NECAB3: variants seen among roughly 807,000 people sequenced by gnomAD.
NECAB3 encodes the protein N-terminal EF-hand calcium-binding protein 3.
In NECAB3, 38 loss-of-function variants were observed where a neutral mutation model predicts 57.2. The observed-to-expected ratio is 0.66, with a 90% confidence interval of 0.51 to 0.87. The LOEUF is 0.87. Among genes scored for constraint, NECAB3 ranks in the 40% least tolerant of loss-of-function variants. The pLI, the probability that NECAB3 is intolerant of heterozygous loss-of-function variation, is 0.00. For missense variants in NECAB3, 474 were observed against 527.5 expected, an observed-to-expected ratio of 0.90 and a Z score of 0.99; for synonymous variants, 223 against 222.6, an observed-to-expected ratio of 1.00 and a Z score of -0.02.
At chr20:33,663,973 C>T (rs981252208) in intron 5 of NECAB3, 18 of 1,024,630 alleles carry the variant, frequency 1.8e-5, no homozygotes, top group African/African-American at 3.4e-5. Flanking sequence ...AAAGCTCAGC[C>T]TAGGAGCCGC....
intron 11 of NECAB3, 25 bp downstream of exon 11, chr20:33,657,917 C>T (rs1568889720): frequency 6.4e-7 from 1 of 1,551,476 alleles, no homozygotes; most frequent in East Asian, 2.4e-5. Context: ...TCCAGGGCCA[C>T]AGTGAGTGGG....
intron 5 of NECAB3, chr20:33,667,543 A>G (rs566403663): frequency 1.3e-6 from 2 of 1,546,044 alleles, no homozygotes; most frequent in Admixed American, 3.8e-5. Context: ...CGGCGCGTTC[A>G]GCGGGCTGGC....
chr20:33,663,858 G>A (rs1217038751), intron 5 of NECAB3: 1 of 1,391,792 alleles, frequency 7.2e-7, no homozygotes, highest in South Asian at 1.6e-5. Context: ...GCCCTCGCCC[G>A]CAGCTTTAAA....
chr20:33,671,398 G>T (rs1316544596), intron 2 of NECAB3, among the ~76,000 whole-genome samples: 13 of 152,152 alleles, frequency 8.5e-5, no homozygotes, highest in Non-Finnish European at 1.9e-4. Context: ...TGGGTGCGGG[G>T]AGCTGACCCG....
At position 33,660,506 on chromosome 20, in the gene NECAB3, G is replaced by A. The variant is rs577588113; in HGVS notation, c.388-111C>T. ...AGCGGTGGCAGTGCCAAGAGCAGGG[G>A]CACGCAAACCTGGCACAGGCAGGAG... On this transcript the variant is annotated intron_variant, in intron 5 of 11. Transcript: ENST00000246190. The surrounding 1 kb of genome is among the most constrained non-coding windows in gnomAD (Gnocchi z 4.1). 5.5e-5 allele frequency: 79 copies of A among 1,427,234 alleles called. No homozygotes were observed. In the African/African-American group the frequency reaches 9.7e-4, roughly 17 times the overall value. The allele number at this position is 1,427,234 out of a possible 1,614,324, so 88.4% of individuals were successfully genotyped here. A position where few individuals can be genotyped will look rare whatever the true frequency, so the allele number is the denominator to read the frequency against.
intron 1 of NECAB3, 38 bp from the exon 2 acceptor site, chr20:33,672,460 C>A: frequency 6.2e-7 from 1 of 1,613,724 alleles, no homozygotes. Context: ...CTGTGAGTGC[C>A]ACCTGGGAAG....
In NECAB3 at chr20:33,674,222, A is replaced by G; in HGVS notation, c.129+2T>C. On this transcript the variant is annotated splice_donor_variant, in intron 1 of 11. Coordinates refer to ENST00000246190, the MANE Select transcript of NECAB3 (RefSeq NM_031232.4). LOFTEE classifies it high-confidence loss of function. Reference sequence around the variant, plus strand: ...CCGCGAGCAGAGCCCGCGCCCACTCACGTCCTGGAAGAGCGTGTGTCCGGC... The same window carrying G: ...CCGCGAGCAGAGCCCGCGCCCACTCGCGTCCTGGAAGAGCGTGTGTCCGGC... 8.0e-7 allele frequency: 1 copy of G among 1,252,806 alleles called. No individual in the cohort carries two copies. The highest frequency in any genetic ancestry group is 1.0e-6 in the Non-Finnish European group (1 of 998,822). 77.6% of individuals were successfully genotyped at this position (1,252,806 alleles called of 1,614,324 possible).
rs2017410701 is a variant in NECAB3 at position 33,659,916 on chromosome 20, T to A, written c.612A>T (p.Ser204=). Residue 204 remains serine, a synonymous_variant, in exon 7 of 12, where the codon TCA becomes TCT. Transcript: ENST00000246190. ...GRRALRSVSR[S]STWSPGSSDT... ...CAGAAGAGCCGGGGGACCAGGTGGA[T>A]GACCGGCTGACACTCCTCAGGGCTC... 2 of 1,548,266 alleles carry A rather than the reference T, an allele frequency of 1.3e-6. No individual in the cohort carries two copies. The highest frequency in any genetic ancestry group is 4.8e-5 in the East Asian group (2 of 41,300).
rs2017745649 is a variant in NECAB3, at chr20:33,668,299, T to G, written c.387+1076A>C. On this transcript the variant is annotated intron_variant, in intron 5 of 11. Coordinates refer to ENST00000246190, the MANE Select transcript of NECAB3 (RefSeq NM_031232.4). ...ACAGCTCTCTATCTAAAGAGTCAAG[T>G]GTTTGGAGCTGGCAGGGTCCTCCTG... 8 of 1,522,176 alleles carry G rather than the reference T, an allele frequency of 5.3e-6. No homozygotes were observed. The Admixed American group carries it at 1.7e-4, about 32-fold the overall frequency. 94.3% of individuals were successfully genotyped at this position (1,522,176 alleles called of 1,614,324 possible).
At chr20:33,667,852 G>A in intron 5 of NECAB3, 2 of 1,607,710 alleles carry the variant, frequency 1.2e-6, no homozygotes, top group Non-Finnish European at 1.7e-6. Flanking sequence ...CCTCAGCAGT[G>A]AGCGCTTCCG....
rs770000414 is a variant in NECAB3 at position 33,663,488 on chromosome 20, G to A, written c.388-3093C>T. ...GGAGCGGCCCCGGGTCGTGGGCTCG[G>A]CCCTAGCGCGCTCTCCCGCCTCACG... On this transcript the variant is annotated intron_variant, in intron 5 of 11. Transcript: ENST00000246190. The A allele has an allele frequency of 1.5e-5, 24 of 1,574,488 alleles. No individual in the cohort carries two copies. The African/African-American group carries it at 3.0e-4, about 20-fold the overall frequency.
At chr20:33,658,121 G>T in intron 10 of NECAB3, 88 bp from the exon 11 acceptor site, 1 of 1,149,514 alleles carries the variant, frequency 8.7e-7, no homozygotes, top group Non-Finnish European at 1.2e-6. Flanking sequence ...TTCTCACACT[G>T]CCTCTGGAGC....
chr20:33,667,158 G>A (rs1047408427), intron 5 of NECAB3: 4 of 228,320 alleles, frequency 1.8e-5, no homozygotes, highest in East Asian at 1.7e-4. Flanking sequence ...TGGTGGACCA[G>A]GGCTCGGGCT....
Position 33,659,553 on chromosome 20 carries a change from G to C in NECAB3, c.823C>G (p.Gln275Glu). 1 of 1,564,794 alleles carries C rather than the reference G, an allele frequency of 6.4e-7. No individual in the cohort carries two copies. The highest frequency in any genetic ancestry group is 8.7e-7 in the Non-Finnish European group (1 of 1,151,554). ...CGCAGGGGTTCCAGCCGGGGGGCCT[G>C]TGAGGGCACAGAGTGTGGGCCGGGC... Reference protein sequence around the residue: ...WRPGPHSVPSQAPRLEPLREE... With the variant: ...WRPGPHSVPSEAPRLEPLREE... Residue 275 changes from glutamine (Q) to glutamate (E), a missense_variant, in exon 8 of 12, where the codon CAG (glutamine) becomes GAG (glutamate). Physicochemically the swap from Gln to Glu is conservative, Grantham distance 29. Coordinates refer to ENST00000246190, the MANE Select transcript of NECAB3 (RefSeq NM_031232.4).
chr20:33,660,431 C>A lies in NECAB3; in HGVS notation c.388-36G>T. 1 of 1,604,976 alleles carries A rather than the reference C, an allele frequency of 6.2e-7. No individual in the cohort carries two copies. Among genetic ancestry groups the A allele is most frequent in the Non-Finnish European group, 8.5e-7 (1 of 1,173,966 alleles). On this transcript the variant is annotated intron_variant, in intron 5 of 11. Coordinates refer to ENST00000246190, the MANE Select transcript of NECAB3 (RefSeq NM_031232.4). The surrounding 1 kb of genome is among the most constrained non-coding windows in gnomAD (Gnocchi z 4.1). Reference sequence around the variant, plus strand: ...AGGAGGGACGGTCAGCATCTCCCAGCCCGGGCACTGATCTCTTGAGTGGGT... The same window carrying A: ...AGGAGGGACGGTCAGCATCTCCCAGACCGGGCACTGATCTCTTGAGTGGGT...
At position 33,668,076 on chromosome 20, in the gene NECAB3, G is replaced by T. The variant is rs41290882; in HGVS notation, c.387+1299C>A. The T allele has an allele frequency of 1.0e-3, 1,651 of 1,583,946 alleles. 12 individuals are homozygous for T. In the African/African-American group the frequency reaches 0.018, roughly 17 times the overall value. On this transcript the variant is annotated intron_variant, in intron 5 of 11. Transcript: ENST00000246190. ...CGCAGTGCCGGCGGCACGGCTACGC[G>T]GCCCTGCGGCCCCACCTGGTGGCCA...
intron 3 of NECAB3, 68 bp from the exon 4 acceptor site, chr20:33,669,780 C>G (rs1248690161): frequency 1.3e-6 from 2 of 1,482,754 alleles, no homozygotes; most frequent in Admixed American, 5.0e-5. Flanking sequence ...GGGCCAATGC[C>G]CCACATCCCA....
chr20:33,672,265 T>A (rs183123972), intron 2 of NECAB3, 133 bp downstream of exon 2: 10 of 1,052,256 alleles, frequency 9.5e-6, no homozygotes, highest in Non-Finnish European at 1.5e-5. Context: ...AGTGCCTTGA[T>A]TGATTCTCCT....
chr20:33,674,416 G>A lies in NECAB3; in HGVS notation c.-64C>T, dbSNP rs2017907629. ...CGACCCTGGACGCCGCGGCGGACTC[G>A]GTGTGGCTAGAGGCCGCCCCTTGGC... is the stretch of plus-strand genomic sequence containing the variant. On this transcript the variant is annotated 5_prime_UTR_variant, in exon 1 of 12. Coordinates refer to ENST00000246190, the MANE Select transcript of NECAB3 (RefSeq NM_031232.4). 1.4e-5 allele frequency: 15 copies of A among 1,103,182 alleles called. No individual in the cohort carries two copies. The highest frequency in any genetic ancestry group is 1.0e-4 in the Admixed American group (2 of 19,694). 68.3% of individuals were successfully genotyped at this position (1,103,182 alleles called of 1,614,324 possible). A position where few individuals can be genotyped will look rare whatever the true frequency, so the allele number is the denominator to read the frequency against.
Sources: allele counts gnomAD v4.1 joint callset (sites outside exome capture counted in the v4.1 genomes callset), GRCh38; gene constraint gnomAD v4.1.1; non-coding constraint Gnocchi (gnomAD v3.1); transcripts MANE v1.5; gene names NCBI Gene and HGNC (gene_info 2026-07-23, HGNC 2026-07-21).